The following AGAP1 variants were observed in gnomAD, a reference collection of about 807,000 sequenced individuals.
AGAP1 encodes the protein ArfGAP with GTPase domain, ankyrin repeat and PH domain 1, also known as arf-GAP with GTPase, ANK repeat and PH domain-containing protein 1.
AGAP1 carries 29 observed loss-of-function variants against 105.3 expected under a neutral mutation model. The ratio of observed to expected loss-of-function variants is 0.28; its 90% CI spans 0.21 to 0.38. The LOEUF is 0.38. Ranked by LOEUF, AGAP1 falls within the 10% of genes least tolerant of loss-of-function variation. AGAP1 has a pLI of 1.00. For synonymous variants in AGAP1, 509 were observed against 485.9 expected, an observed-to-expected ratio of 1.05 and a Z score of -0.63; for missense variants, 998 against 1,165.1, an observed-to-expected ratio of 0.86 and a Z score of 2.09.
chr2:235,645,079 A>G (rs571653419), intron 1 of AGAP1, among the ~76,000 whole-genome samples: 1 of 152,166 alleles, frequency 6.6e-6, no homozygotes, highest in African/African-American at 2.4e-5. Context: ...TATTTTTAGT[A>G]GAGACAGGGT....
chr2:235,541,989 ATTT>A (rs1389348422), intron 1 of AGAP1, among the ~76,000 whole-genome samples: 1 of 152,056 alleles, frequency 6.6e-6, no homozygotes, highest in Non-Finnish European at 1.5e-5. Flanking sequence ...TGCATTATTT[ATTT>A]TTTTCTGCCC....
At chr2:235,541,536 C>T (rs1037248640) in intron 1 of AGAP1, among the ~76,000 whole-genome samples, 10 of 151,700 alleles carry the variant, frequency 6.6e-5, no homozygotes, top group Admixed American at 2.6e-4. Flanking sequence ...TACAGGCGCC[C>T]GCCACCGTGC....
chr2:235,807,299 A>T lies in AGAP1; in HGVS notation c.1018A>T (p.Ile340Phe). 1 of 1,603,012 alleles carries T rather than the reference A, an allele frequency of 6.2e-7. No homozygotes were observed. The highest frequency in any genetic ancestry group is 8.5e-7 in the Non-Finnish European group (1 of 1,177,244). Reference protein sequence around the residue: ...KKGLESRADSIGSGRAIPIKQ... With the variant: ...KKGLESRADSFGSGRAIPIKQ... ...AGGCCTGGAGAGTCGTGCGGACAGC[A>T]TTGGGAGCGGCCGAGCCATCCCAAT... Residue 340 changes from isoleucine to phenylalanine, a missense_variant, in exon 9 of 18, where the codon ATT (isoleucine) becomes TTT (phenylalanine). Physicochemically the swap from Ile to Phe is conservative, Grantham distance 21. Transcript: ENST00000304032.
At chr2:235,841,899 T>G (rs969907732) in intron 9 of AGAP1, among the ~76,000 whole-genome samples, 1 of 151,568 alleles carries the variant, frequency 6.6e-6, no homozygotes, top group South Asian at 2.1e-4. Flanking sequence ...CCTGCTGCTC[T>G]CTCTCTTCCC....
At chr2:235,643,457 A>AAAAAAAAAAAAAAAAGAAAG (rs1553595203) in intron 1 of AGAP1, among the ~76,000 whole-genome samples, 4 of 140,394 alleles carry the variant, frequency 2.8e-5, no homozygotes, top group African/African-American at 1.1e-4. Context: ...AAAAAAAAAA[A>AAAAAAAAAAAAAAAAGAAAG]AAAGAAAGAA....
chr2:235,732,316 C>G lies in AGAP1; in HGVS notation c.311-8647C>G, dbSNP rs1254579340. On this transcript the variant is annotated intron_variant, in intron 3 of 17. Coordinates refer to ENST00000304032, the MANE Select transcript of AGAP1 (RefSeq NM_001037131.3). This position sits in a 1 kb window ranked among gnomAD's most constrained non-coding sequence, Gnocchi z 4.8. Reference sequence around the variant, plus strand: ...TCAAGCCATTCCTCTGTGTCAGAAACTCAGCTTTCAGCCTTGTCTCTTCTG... The same window carrying G: ...TCAAGCCATTCCTCTGTGTCAGAAAGTCAGCTTTCAGCCTTGTCTCTTCTG... Among the ~76,000 whole-genome samples, 5 of 152,222 alleles carry G rather than the reference C, an allele frequency of 3.3e-5. No homozygotes were observed. In the East Asian group the frequency reaches 7.7e-4, roughly 23 times the overall value.
chr2:235,864,971 A>G lies in AGAP1; in HGVS notation c.1051-18374A>G, dbSNP rs553120105. On this transcript the variant is annotated intron_variant, in intron 9 of 17. Coordinates refer to ENST00000304032, the MANE Select transcript of AGAP1 (RefSeq NM_001037131.3). This position sits in a 1 kb window ranked among gnomAD's most constrained non-coding sequence, Gnocchi z 5.0. ...ACTCATCGTCAACATGGGTTTTTAA[A>G]AGGGAAGGAGAGAAACACAACAAAC... is the stretch of plus-strand genomic sequence containing the variant. Among the ~76,000 whole-genome samples the G allele has an allele frequency of 1.3e-5, 2 of 152,270 alleles. No individual in the cohort carries two copies. Among genetic ancestry groups the G allele is most frequent in the South Asian group, 4.1e-4 (2 of 4,822 alleles).
At chr2:235,896,205 T>A (rs1479801348) in intron 10 of AGAP1, among the ~76,000 whole-genome samples, 2 of 152,242 alleles carry the variant, frequency 1.3e-5, no homozygotes, top group Non-Finnish European at 2.9e-5. Context: ...ATATGCTGTT[T>A]GTCTTTTTAT....
chr2:235,870,871 G>C (rs2049404769), intron 9 of AGAP1, among the ~76,000 whole-genome samples: 1 of 152,080 alleles, frequency 6.6e-6, no homozygotes, highest in Non-Finnish European at 1.5e-5. Flanking sequence ...TAAAGTTGAG[G>C]GCCCAGAGAC....
rs1305278810 is a variant in AGAP1, at chr2:236,124,998, A to G, written c.*876A>G. The G allele has an allele frequency of 6.0e-6, 1 of 166,750 alleles. No homozygotes were observed. The highest frequency in any genetic ancestry group is 2.4e-5 in the African/African-American group (1 of 41,474). 10.3% of individuals were successfully genotyped at this position (166,750 alleles called of 1,614,324 possible). On this transcript the variant is annotated 3_prime_UTR_variant, in exon 18 of 18. Transcript: ENST00000304032. This position sits in a 1 kb window ranked among gnomAD's most constrained non-coding sequence, Gnocchi z 5.1. The stretch of plus-strand genomic sequence containing the variant: ...CAAAAACAAAATGGGAAAAATAAAT[A>G]AGAATAACTCAGAAACTCAAAAGGA...
Position 236,102,212 on chromosome 2 carries a change from T to C in AGAP1, c.2115-17980T>C, listed in dbSNP as rs1043832874. On this transcript the variant is annotated intron_variant, in intron 16 of 17. Coordinates refer to ENST00000304032, the MANE Select transcript of AGAP1 (RefSeq NM_001037131.3). ...GCGGGCGGATCACAAGGTCAGGAGA[T>C]CGAGACCATCCTGGCTAACACGGTG... Among the ~76,000 whole-genome samples the C allele has an allele frequency of 6.6e-5, 10 of 152,042 alleles. No homozygotes were observed. In the East Asian group the frequency reaches 1.9e-3, roughly 29 times the overall value.
At chr2:235,838,268 T>A (rs1287206248) in intron 9 of AGAP1, among the ~76,000 whole-genome samples, 2 of 150,876 alleles carry the variant, frequency 1.3e-5, no homozygotes, top group African/African-American at 2.4e-5. Flanking sequence ...TAATTGACAA[T>A]CAAGCCATCT....
Position 235,976,927 on chromosome 2 carries a change from C to A in AGAP1, c.1645+8304C>A, listed in dbSNP as rs2054884780. Among the ~76,000 whole-genome samples the A allele has an allele frequency of 6.6e-6, 1 of 152,220 alleles. No individual in the cohort carries two copies. Among genetic ancestry groups the A allele is most frequent in the African/African-American group, 2.4e-5 (1 of 41,446 alleles). On this transcript the variant is annotated intron_variant, in intron 13 of 17. Transcript: ENST00000304032. This position sits in a 1 kb window ranked among gnomAD's most constrained non-coding sequence, Gnocchi z 4.5. ...GGAGCTCCTGGGGGTACCTAGGCAA[C>A]TCCTGACGCCACAGACAAGCATTTG...
At position 235,601,597 on chromosome 2, in the gene AGAP1, G is replaced by T. The variant is rs757207577; in HGVS notation, c.163+106748G>T. 1.3e-5 allele frequency among the ~76,000 whole-genome samples: 2 copies of T among 152,106 alleles called. No homozygotes were observed. The highest frequency in any genetic ancestry group is 1.3e-4 in the Admixed American group (2 of 15,260). ...GAGACTTATTTTCTACCACAGAACA[G>T]AATAGGGGAACCCACCCCCAAGATT... On this transcript the variant is annotated intron_variant, in intron 1 of 17. Transcript: ENST00000304032. This position sits in a 1 kb window ranked among gnomAD's most constrained non-coding sequence, Gnocchi z 4.4.
chr2:235,652,454 C>T (rs1262865126), intron 1 of AGAP1, among the ~76,000 whole-genome samples: 1 of 152,100 alleles, frequency 6.6e-6, no homozygotes, highest in Non-Finnish European at 1.5e-5. Context: ...CTGTGGGTGA[C>T]AGCATTGAGT....
intron 9 of AGAP1, among the ~76,000 whole-genome samples, chr2:235,878,041 G>T (rs1333342568): frequency 6.6e-6 from 1 of 152,220 alleles, no homozygotes; most frequent in Non-Finnish European, 1.5e-5. Flanking sequence ...TTTGAGAGAA[G>T]GGCCCACGGT....
intron 1 of AGAP1, among the ~76,000 whole-genome samples, chr2:235,636,996 C>A (rs1287308679): frequency 1.1e-4 from 16 of 152,144 alleles, no homozygotes. Flanking sequence ...CCCTCACCGC[C>A]CCTAAAGGAA....
rs4663628 is a variant in AGAP1, at chr2:235,887,956, G to C, written c.1155+4507G>C. ...AGGGCCGTGCGGCAGCCCATCACCG[G>C]CAGCGCTTGCTCGTGGTGGTGAGGC... On this transcript the variant is annotated intron_variant, in intron 10 of 17. Coordinates refer to ENST00000304032, the MANE Select transcript of AGAP1 (RefSeq NM_001037131.3). This position sits in a 1 kb window ranked among gnomAD's most constrained non-coding sequence, Gnocchi z 4.1. 0.47 allele frequency among the ~76,000 whole-genome samples: 71,500 copies of C among 152,010 alleles called. 17,605 individuals carry two copies. The highest frequency in any genetic ancestry group is 0.74 in the South Asian group (3,535 of 4,808).
intron 16 of AGAP1, among the ~76,000 whole-genome samples, chr2:236,118,254 C>T (rs1412189786): frequency 4.6e-5 from 7 of 152,112 alleles, no homozygotes; most frequent in African/African-American, 1.4e-4. Flanking sequence ...TCATTTGTAA[C>T]TGTGTACTCT....
Sources: gnomAD v4.1 joint callset for allele counts (sites outside exome capture counted in the v4.1 genomes callset) on GRCh38, gnomAD v4.1.1 for gene constraint, Gnocchi (gnomAD v3.1) non-coding constraint, MANE v1.5 for transcripts, NCBI Gene and HGNC (gene_info 2026-07-23, HGNC 2026-07-21) for gene names.